ZDHHC14: variants seen among roughly 807,000 people sequenced by gnomAD.
ZDHHC14 encodes zDHHC palmitoyltransferase 14.
Under a neutral mutation model 47.7 loss-of-function variants are expected in ZDHHC14, and 16 were observed. That is an observed-to-expected ratio of 0.34 (90% confidence interval 0.23 to 0.51). ZDHHC14 has a LOEUF of 0.51. ZDHHC14 is among the 20% of genes least tolerant of loss of function. The pLI is 0.97. For missense variants in ZDHHC14, 515 were observed against 662.5 expected (o/e 0.78, Z 2.44); for synonymous variants, 293 against 278.9 (o/e 1.05, Z -0.50).
chr6:157,393,265 A>G (rs1777455859), intron 1 of ZDHHC14, among the ~76,000 whole-genome samples: 1 of 152,208 alleles, frequency 6.6e-6, no homozygotes, highest in African/African-American at 2.4e-5. Flanking sequence ...CTAGATTTTA[A>G]AAACTGCTGA....
chr6:157,655,599 T>C (rs1778049638), intron 8 of ZDHHC14, among the ~76,000 whole-genome samples: 1 of 152,242 alleles, frequency 6.6e-6, no homozygotes, highest in Admixed American at 6.5e-5. Context: ...CTACACACAA[T>C]AACCTCTCAT....
chr6:157,498,575 T>C (rs1219089668), intron 1 of ZDHHC14, among the ~76,000 whole-genome samples: 1 of 152,226 alleles, frequency 6.6e-6, no homozygotes, highest in Non-Finnish European at 1.5e-5. Flanking sequence ...ACAGATATTA[T>C]TATCATTGCA....
chr6:157,489,435 G>GTTTT (rs149802681), intron 1 of ZDHHC14, among the ~76,000 whole-genome samples: 24 of 147,200 alleles, frequency 1.6e-4, no homozygotes, highest in African/African-American at 6.0e-4. Context: ...TCTTTCAGTT[G>GTTTT]TTTTTTTTTT....
At chr6:157,402,922 A>G (rs907193263) in intron 1 of ZDHHC14, among the ~76,000 whole-genome samples, 4 of 152,240 alleles carry the variant, frequency 2.6e-5, no homozygotes, top group African/African-American at 9.6e-5. Context: ...TTTAGTATAG[A>G]TGGCATTTCA....
chr6:157,465,672 C>G (rs2114819417), intron 1 of ZDHHC14, among the ~76,000 whole-genome samples: 1 of 152,098 alleles, frequency 6.6e-6, no homozygotes, highest in East Asian at 1.9e-4. Context: ...TAAAATGTCA[C>G]GTACCAGGAG....
Position 157,405,474 on chromosome 6 carries a change from C to T in ZDHHC14, c.245+23208C>T, listed in dbSNP as rs548421885. ...GTCTCGATCTCCTGACCTCGTGATC[C>T]ACCCGCCTTGGCCTCCCAAAGTGCT... On this transcript the variant is annotated intron_variant, in intron 1 of 8. Coordinates refer to ENST00000359775, the MANE Select transcript of ZDHHC14 (RefSeq NM_024630.3). Among the ~76,000 whole-genome samples, 153 of 152,254 alleles carry T rather than the reference C, an allele frequency of 1.0e-3. 1 individual carries two copies. The highest frequency in any genetic ancestry group is 9.5e-3 in the East Asian group (49 of 5,172).
Position 157,542,762 on chromosome 6 carries a change from G to A in ZDHHC14, c.406+17G>A, listed in dbSNP as rs1781817316. On this transcript the variant is annotated intron_variant, in intron 2 of 8. Coordinates refer to ENST00000359775, the MANE Select transcript of ZDHHC14 (RefSeq NM_024630.3). ...GGCAAATAGGTAACACTGAAAGTCT[G>A]CCCATGGCCTCTGGTCACTTCCCGC... 2 of 1,612,150 alleles carry A rather than the reference G, an allele frequency of 1.2e-6. No homozygotes were observed. Among genetic ancestry groups the A allele is most frequent in the Admixed American group, 3.3e-5 (2 of 59,838 alleles).
At chr6:157,402,095 T>G (rs1343795741) in intron 1 of ZDHHC14, among the ~76,000 whole-genome samples, 2 of 142,822 alleles carry the variant, frequency 1.4e-5, no homozygotes. Flanking sequence ...ACTGCATTAG[T>G]GAGATGTTCA....
intron 2 of ZDHHC14, among the ~76,000 whole-genome samples, chr6:157,591,617 G>A (rs569975056): frequency 1.3e-5 from 2 of 152,038 alleles, no homozygotes; most frequent in Admixed American, 6.6e-5. Context: ...GTCTTTATTG[G>A]CAGCATGAGA....
At chr6:157,588,464 TAAAAAATATACATTTTTTAAAG>T (rs1163102339) in intron 2 of ZDHHC14, among the ~76,000 whole-genome samples, 1 of 152,106 alleles carries the variant, frequency 6.6e-6, no homozygotes, top group African/African-American at 2.4e-5. Flanking sequence ...TTCTAAAAAT[TAAAAAATATACATTTTTTAAAG>T]AAGACTGCAG....
chr6:157,570,724 A>C (rs1477843060), intron 2 of ZDHHC14, among the ~76,000 whole-genome samples: 1 of 151,874 alleles, frequency 6.6e-6, no homozygotes, highest in Non-Finnish European at 1.5e-5. Context: ...TTTTAATTGT[A>C]CTAATTAGTG....
rs2115019712 is a variant in ZDHHC14 at position 157,673,553 on chromosome 6, G to T, written c.*431G>T. The T allele has an allele frequency of 1.2e-5, 2 of 161,956 alleles. No individual in the cohort carries two copies. Among genetic ancestry groups the T allele is most frequent in the African/African-American group, 2.4e-5 (1 of 41,626 alleles). 10.0% of individuals were successfully genotyped at this position (161,956 alleles called of 1,614,324 possible). On this transcript the variant is annotated 3_prime_UTR_variant, in exon 9 of 9. Transcript: ENST00000359775. This position sits in a 1 kb window ranked among gnomAD's most constrained non-coding sequence, Gnocchi z 5.4. ...TTAAAAAAAAAAAAAATCCTAAAGG[G>T]AAAAAACCGACCAGGTGTGGATCTG...
chr6:157,677,341 C>T lies in ZDHHC14; in HGVS notation c.*4219C>T, dbSNP rs560758578. On this transcript the variant is annotated 3_prime_UTR_variant, in exon 9 of 9. Transcript: ENST00000359775. ...CATTGAAATATTAAACGATCTGAAG[C>T]GTCTTTTTTTTTTTCAAATAAATGT... 6.8e-6 allele frequency: 1 copy of T among 147,362 alleles called. No individual in the cohort carries two copies. Among genetic ancestry groups the T allele is most frequent in the Non-Finnish European group, 1.5e-5 (1 of 66,880 alleles). 9.1% of individuals were successfully genotyped at this position (147,362 alleles called of 1,614,324 possible). A position where few individuals can be genotyped will look rare whatever the true frequency, so the allele number is the denominator to read the frequency against.
intron 8 of ZDHHC14, among the ~76,000 whole-genome samples, chr6:157,670,080 C>T (rs981332438): frequency 8.5e-5 from 13 of 152,176 alleles, no homozygotes; most frequent in African/African-American, 2.2e-4. Context: ...GGAGAGCGCC[C>T]GCAGCCTACA....
At chr6:157,633,928 C>T (rs2114961774) in intron 5 of ZDHHC14, among the ~76,000 whole-genome samples, 1 of 152,302 alleles carries the variant, frequency 6.6e-6, no homozygotes, top group South Asian at 2.1e-4. Context: ...GTTGGGATTA[C>T]AGGCATCAGC....
chr6:157,564,326 A>C (rs1244000128), intron 2 of ZDHHC14, among the ~76,000 whole-genome samples: 1 of 152,210 alleles, frequency 6.6e-6, no homozygotes, highest in African/African-American at 2.4e-5. Flanking sequence ...GAACCTGAGC[A>C]GGTCTCTTTC....
At chr6:157,642,022 G>GA (rs1281673698) in intron 5 of ZDHHC14, among the ~76,000 whole-genome samples, 2 of 132,614 alleles carry the variant, frequency 1.5e-5, no homozygotes, top group African/African-American at 2.8e-5. Flanking sequence ...TGTATATTTT[G>GA]AAGATAGATA....
At chr6:157,652,045 A>G (rs1777864501) in intron 7 of ZDHHC14, among the ~76,000 whole-genome samples, 1 of 152,204 alleles carries the variant, frequency 6.6e-6, no homozygotes, top group Non-Finnish European at 1.5e-5. Context: ...CTTTGAAGGG[A>G]GGGTTGCAAA....
At chr6:157,517,921 C>A (rs2114760811) in intron 1 of ZDHHC14, among the ~76,000 whole-genome samples, 1 of 152,256 alleles carries the variant, frequency 6.6e-6, no homozygotes, top group Non-Finnish European at 1.5e-5. Context: ...TATCAAAGCC[C>A]CACGTGTGAA....
Sources: allele counts gnomAD v4.1 joint callset (sites outside exome capture counted in the v4.1 genomes callset), GRCh38; gene constraint gnomAD v4.1.1; non-coding constraint Gnocchi (gnomAD v3.1); transcripts MANE v1.5; gene names NCBI Gene and HGNC (gene_info 2026-07-23, HGNC 2026-07-21).